LRBA: variants seen among roughly 807,000 people sequenced by gnomAD.
LRBA encodes the protein lipopolysaccharide-responsive and beige-like anchor protein.
A neutral mutation model predicts 330.0 loss-of-function variants in LRBA; 176 were observed. That is an observed-to-expected ratio of 0.53 (90% CI 0.47 to 0.60). LRBA has a LOEUF of 0.60. Among genes scored for constraint, LRBA ranks in the 20% least tolerant of loss-of-function variants. The probability of loss-of-function intolerance (pLI) is 0.00; values close to 1 mark genes in which losing one functional copy is unlikely to be tolerated. For synonymous variants in LRBA, 1,230 were observed against 1,193.0 expected (o/e 1.03, Z -0.64); for missense variants, 3,259 against 3,444.8 (o/e 0.95, Z 1.35).
intron 2 of LRBA, among the ~76,000 whole-genome samples, chr4:150,982,928 TGTATAC>T (rs1201543343): frequency 6.6e-6 from 1 of 152,160 alleles, no homozygotes; most frequent in African/African-American, 2.4e-5. Context: ...AGAAGAAAAC[TGTATAC>T]CAAATTATTT....
chr4:150,809,923 A>C (rs1743462356), intron 31 of LRBA, among the ~76,000 whole-genome samples: 1 of 125,370 alleles, frequency 8.0e-6, no homozygotes, highest in Non-Finnish European at 1.7e-5. Context: ...ACGATACGAT[A>C]CGATACGATA....
At chr4:150,593,194 T>C (rs2126476454) in intron 38 of LRBA, among the ~76,000 whole-genome samples, 1 of 152,274 alleles carries the variant, frequency 6.6e-6, no homozygotes, top group Non-Finnish European at 1.5e-5. Flanking sequence ...TAAATTATTA[T>C]TTTCCAGTTA....
At chr4:150,442,274 G>C (rs180762607) in intron 44 of LRBA, among the ~76,000 whole-genome samples, 1 of 152,288 alleles carries the variant, frequency 6.6e-6, no homozygotes, top group Admixed American at 6.5e-5. Flanking sequence ...AAGCAGAAAA[G>C]ATTGGGGTTA....
chr4:150,642,284 CA>C, intron 37 of LRBA, among the ~76,000 whole-genome samples: 1 of 151,368 alleles, frequency 6.6e-6, no homozygotes, highest in East Asian at 1.9e-4. Flanking sequence ...TTCTTATGCA[CA>C]AAAAATAGAA....
chr4:150,656,677 T>C (rs562903570), intron 37 of LRBA, among the ~76,000 whole-genome samples: 1 of 152,304 alleles, frequency 6.6e-6, no homozygotes, highest in South Asian at 2.1e-4. Flanking sequence ...CAACTGTAAG[T>C]ATTACTAAAT....
chr4:150,908,143 C>T (rs1355882137), intron 11 of LRBA, among the ~76,000 whole-genome samples, 191 bp downstream of exon 11: 1 of 152,018 alleles, frequency 6.6e-6, no homozygotes, highest in Non-Finnish European at 1.5e-5. Context: ...TTACAGCTTC[C>T]ATATTTCCTA....
At chr4:150,532,239 C>A (rs1055801339) in intron 40 of LRBA, among the ~76,000 whole-genome samples, 1 of 152,162 alleles carries the variant, frequency 6.6e-6, no homozygotes, top group Non-Finnish European at 1.5e-5. Context: ...TCTAGTCAAG[C>A]GGAAATGGTT....
At chr4:150,927,039 T>C (rs191564327) in intron 4 of LRBA, among the ~76,000 whole-genome samples, 19,612 of 147,600 alleles carry the variant, frequency 0.13, 1,963 homozygotes, top group African/African-American at 0.28. Flanking sequence ...CCACTGGACG[T>C]TAGCCTGGCG....
intron 40 of LRBA, among the ~76,000 whole-genome samples, chr4:150,570,930 CTTTGT>C (rs903770970): frequency 9.9e-5 from 15 of 152,184 alleles, no homozygotes; most frequent in Admixed American, 8.5e-4. Context: ...ATTAAAAAGT[CTTTGT>C]TTTAAGACAA....
intron 2 of LRBA, among the ~76,000 whole-genome samples, chr4:151,005,294 A>T (rs1304466944): frequency 6.6e-6 from 1 of 151,818 alleles, no homozygotes; most frequent in Admixed American, 6.6e-5. Context: ...AAATACAAAA[A>T]ATTAGCCAGG....
chr4:150,836,217 G>A (rs1748044004), intron 28 of LRBA, among the ~76,000 whole-genome samples: 2 of 152,106 alleles, frequency 1.3e-5, no homozygotes, highest in African/African-American at 4.8e-5. Context: ...ATTTTAGTGA[G>A]GATTTTTGCA....
chr4:150,914,340 G>A lies in LRBA; in HGVS notation c.1016C>T (p.Thr339Ile). ...TGAGCCCAGGAAACATTTGTCAAAG[G>A]TCTGTAAAAGAAAAAAAAAAAGGAA... Reference protein sequence around the residue: ...EITWFVNTSDTFDKCFLGSSE... With the variant: ...EITWFVNTSDIFDKCFLGSSE... Residue 339 changes from threonine to isoleucine, a missense_variant and splice_region_variant, in exon 9 of 57, where the codon ACC (threonine) becomes ATC (isoleucine). Transcript: ENST00000651943. 6.8e-7 allele frequency: 1 copy of A among 1,470,652 alleles called. No individual in the cohort carries two copies. Among genetic ancestry groups the A allele is most frequent in the Non-Finnish European group, 9.0e-7 (1 of 1,105,448 alleles). 91.1% of individuals were successfully genotyped at this position (1,470,652 alleles called of 1,614,324 possible).
chr4:150,632,090 G>A (rs1777437898), intron 37 of LRBA, among the ~76,000 whole-genome samples: 1 of 152,152 alleles, frequency 6.6e-6, no homozygotes, highest in Non-Finnish European at 1.5e-5. Flanking sequence ...AATTAGCCAG[G>A]CATGGTGGCA....
intron 17 of LRBA, among the ~76,000 whole-genome samples, chr4:150,882,631 G>A (rs1181618256): frequency 2.6e-5 from 4 of 152,136 alleles, no homozygotes; most frequent in Admixed American, 2.6e-4. Context: ...ACTATGGTAT[G>A]TACAGTATAT....
At position 150,919,889 on chromosome 4, in the gene LRBA, G is replaced by A. The variant is rs997947186; in HGVS notation, c.645+1309C>T. On this transcript the variant is annotated intron_variant, in intron 5 of 56. Coordinates refer to ENST00000651943, the MANE Select transcript of LRBA (RefSeq NM_001364905.1). ...ATGCATGCACTGCAATCTCAGAACTGTAAATAATAAAATTATAACATGAGG... is the reference window on the plus strand; with the variant it reads ...ATGCATGCACTGCAATCTCAGAACTATAAATAATAAAATTATAACATGAGG... Among the ~76,000 whole-genome samples, 8 of 152,060 alleles carry A rather than the reference G, an allele frequency of 5.3e-5. No homozygotes were observed. In the East Asian group the frequency reaches 1.2e-3, roughly 22 times the overall value.
At chr4:150,815,274 G>A (rs1163906661) in intron 31 of LRBA, among the ~76,000 whole-genome samples, 1 of 150,138 alleles carries the variant, frequency 6.7e-6, no homozygotes, top group African/African-American at 2.4e-5. Context: ...TTTTTTTAAA[G>A]GACTTTGGAT....
intron 42 of LRBA, 73 bp from the exon 43 acceptor site, chr4:150,471,812 T>G: frequency 1.3e-6 from 1 of 774,922 alleles, no homozygotes; most frequent in East Asian, 2.5e-5. Context: ...TCTGTGCTTA[T>G]TCATTCATAA....
chr4:150,928,242 A>C (rs1333916040), intron 4 of LRBA, among the ~76,000 whole-genome samples: 1 of 152,198 alleles, frequency 6.6e-6, no homozygotes, highest in Non-Finnish European at 1.5e-5. Flanking sequence ...CTCTACATTT[A>C]TCTTTTTTTC....
chr4:150,755,177 T>C (rs767212281), intron 35 of LRBA, among the ~76,000 whole-genome samples: 44 of 152,198 alleles, frequency 2.9e-4, no homozygotes, highest in Non-Finnish European at 5.7e-4. Flanking sequence ...AGCGGCTAAA[T>C]GAATGCTCAG....
Sources: gnomAD v4.1 joint callset for allele counts (sites outside exome capture counted in the v4.1 genomes callset) on GRCh38, gnomAD v4.1.1 for gene constraint, MANE v1.5 for transcripts, NCBI Gene and HGNC (gene_info 2026-07-23, HGNC 2026-07-21) for gene names.